Variants in TSPAN9 observed in about 807,000 individuals in gnomAD.
TSPAN9 encodes tetraspanin 9, also known as tetraspanin-9.
TSPAN9 carries 16 observed loss-of-function variants against 31.0 expected under a neutral mutation model. The observed-to-expected ratio is 0.52, with a 90% confidence interval of 0.35 to 0.78. The LOEUF is 0.78. TSPAN9 is among the 30% of genes least tolerant of loss of function. TSPAN9 has a pLI of 0.01. For synonymous variants in TSPAN9, 145 were observed against 121.6 expected (o/e 1.19, Z -1.27); for missense variants, 272 against 312.5 (o/e 0.87, Z 0.98).
chr12:3,161,557 T>C (rs2098345228), intron 2 of TSPAN9, among the ~76,000 whole-genome samples: 1 of 152,112 alleles, frequency 6.6e-6, no homozygotes, highest in African/African-American at 2.4e-5. Flanking sequence ...AGGAGGTAGG[T>C]GGAGCACCTA....
chr12:3,241,066 C>T (rs1238569505), intron 3 of TSPAN9, among the ~76,000 whole-genome samples: 1 of 152,180 alleles, frequency 6.6e-6, no homozygotes, highest in African/African-American at 2.4e-5. Context: ...AATCACTTTG[C>T]AGAGGGTTCC....
chr12:3,268,532 C>A (rs1862589048), intron 3 of TSPAN9, among the ~76,000 whole-genome samples: 1 of 130,670 alleles, frequency 7.7e-6, no homozygotes, highest in African/African-American at 2.9e-5. Context: ...CTGCAGCCTG[C>A]CCTCTCTGTG....
chr12:3,256,737 G>A (rs74994867), intron 3 of TSPAN9, among the ~76,000 whole-genome samples: 1,803 of 152,222 alleles, frequency 0.012, 41 homozygotes, highest in African/African-American at 0.04. Flanking sequence ...CCAAAGTCAC[G>A]ACTATTTCGC....
At chr12:3,184,626 C>T (rs1443830099) in intron 2 of TSPAN9, among the ~76,000 whole-genome samples, 1 of 152,116 alleles carries the variant, frequency 6.6e-6, no homozygotes, top group Non-Finnish European at 1.5e-5. Context: ...TTCCTCTTTC[C>T]CTGGTGCTGA....
rs2098315321 is a variant in TSPAN9 at position 3,107,569 on chromosome 12, G to A, written c.-18+23850G>A. Among the ~76,000 whole-genome samples, 1 of 152,142 alleles carries A rather than the reference G, an allele frequency of 6.6e-6. No individual in the cohort carries two copies. Among genetic ancestry groups the A allele is most frequent in the Non-Finnish European group, 1.5e-5 (1 of 68,032 alleles). ...GTGCCCTTCATCTGGGGCCATGCAT[G>A]CCTCTTGTTAGGTCTGGCTTTCCCT... is the stretch of plus-strand genomic sequence containing the variant. On this transcript the variant is annotated intron_variant, in intron 2 of 8. Transcript: ENST00000011898. The surrounding 1 kb of genome is among the most constrained non-coding windows in gnomAD (Gnocchi z 4.1).
At chr12:3,125,763 G>GTTAGGC (rs921742834) in intron 2 of TSPAN9, among the ~76,000 whole-genome samples, 9 of 152,048 alleles carry the variant, frequency 5.9e-5, no homozygotes, top group Non-Finnish European at 1.3e-4. Flanking sequence ...GGGCAGCCTG[G>GTTAGGC]TGTCACCACA....
intron 3 of TSPAN9, among the ~76,000 whole-genome samples, chr12:3,265,979 G>A (rs1014420771): frequency 1.3e-5 from 2 of 152,184 alleles, no homozygotes; most frequent in Non-Finnish European, 2.9e-5. Context: ...AGTTCTTGGT[G>A]TGTGATACGG....
At chr12:3,182,024 T>C (rs1031753011) in intron 2 of TSPAN9, among the ~76,000 whole-genome samples, 1 of 151,940 alleles carries the variant, frequency 6.6e-6, no homozygotes, top group Non-Finnish European at 1.5e-5. Flanking sequence ...GGAGGGGGCT[T>C]TGAGGTCTTT....
chr12:3,091,632 A>G (rs560792328), intron 2 of TSPAN9, among the ~76,000 whole-genome samples: 98 of 152,320 alleles, frequency 6.4e-4, no homozygotes, highest in Middle Eastern at 3.4e-3. Context: ...TTGCCTGTCA[A>G]CTGCTGGGTG....
intron 2 of TSPAN9, among the ~76,000 whole-genome samples, chr12:3,097,930 C>G (rs1591626756): frequency 6.6e-6 from 1 of 152,354 alleles, no homozygotes; most frequent in East Asian, 1.9e-4. Flanking sequence ...GACATGTGAG[C>G]ACCTCCTCCG....
intron 2 of TSPAN9, among the ~76,000 whole-genome samples, chr12:3,160,493 T>A (rs1342650093): frequency 2.0e-5 from 3 of 152,242 alleles, no homozygotes; most frequent in Non-Finnish European, 4.4e-5. Context: ...ACTCTATGTT[T>A]AACTTTTTGA....
In TSPAN9 at chr12:3,192,041, T is replaced by A. The variant is rs1032715464; in HGVS notation, c.-17-9136T>A. On this transcript the variant is annotated intron_variant, in intron 2 of 8. Transcript: ENST00000011898. The surrounding 1 kb of genome is among the most constrained non-coding windows in gnomAD (Gnocchi z 4.6). ...GAGCATCCAAGCAGAGGGAACAGCA[T>A]GGGCGGAGGCTCTGAGGAGGTCAGA... is the stretch of plus-strand genomic sequence containing the variant. Among the ~76,000 whole-genome samples the A allele has an allele frequency of 6.6e-6, 1 of 151,972 alleles. No individual in the cohort carries two copies. Among genetic ancestry groups the A allele is most frequent in the African/African-American group, 2.4e-5 (1 of 41,348 alleles).
intron 3 of TSPAN9, among the ~76,000 whole-genome samples, chr12:3,239,773 G>A (rs1048390780): frequency 6.6e-6 from 1 of 152,112 alleles, no homozygotes; most frequent in East Asian, 1.9e-4. Context: ...TGGAGCTTCC[G>A]ACAGGGTCCT....
chr12:3,084,918 G>A (rs944793421), intron 2 of TSPAN9, among the ~76,000 whole-genome samples: 31 of 152,194 alleles, frequency 2.0e-4, no homozygotes, highest in Non-Finnish European at 4.3e-4. Context: ...CCTGCTTGTG[G>A]CAGGAATGCC....
intron 2 of TSPAN9, among the ~76,000 whole-genome samples, chr12:3,088,304 A>G (rs896284594): frequency 6.6e-6 from 1 of 152,218 alleles, no homozygotes; most frequent in Non-Finnish European, 1.5e-5. Flanking sequence ...TTGAAGCCAG[A>G]GTTTGGATTT....
intron 3 of TSPAN9, among the ~76,000 whole-genome samples, chr12:3,225,363 C>A (rs10848832): frequency 0.13 from 20,059 of 152,086 alleles, 1,750 homozygotes; most frequent in East Asian, 0.29. Flanking sequence ...CACAGGACAG[C>A]CTGTCCTGTG....
rs190760280 is a variant in TSPAN9 at position 3,251,502 on chromosome 12, G to A, written c.64-26919G>A. 1.8e-3 allele frequency among the ~76,000 whole-genome samples: 266 copies of A among 147,290 alleles called. 1 individual carries two copies. The highest frequency in any genetic ancestry group is 1.5e-3 in the Non-Finnish European group (103 of 67,980). On this transcript the variant is annotated intron_variant, in intron 3 of 8. Transcript: ENST00000011898. ...GATTTCTGATTATAAAACTAGTATA[G>A]TCACTGGAGAGTACTGGAAATAATA...
intron 2 of TSPAN9, among the ~76,000 whole-genome samples, chr12:3,181,209 T>C (rs1367796285): frequency 6.6e-6 from 1 of 151,958 alleles, no homozygotes; most frequent in Non-Finnish European, 1.5e-5. Flanking sequence ...GCCAGAATCA[T>C]GATGGGGATG....
chr12:3,256,900 T>C (rs1862358225), intron 3 of TSPAN9, among the ~76,000 whole-genome samples: 1 of 152,286 alleles, frequency 6.6e-6, no homozygotes, highest in East Asian at 1.9e-4. Flanking sequence ...GGGATAGTCC[T>C]GTAGTAAATG....
Sources: gnomAD v4.1 joint callset for allele counts (sites outside exome capture counted in the v4.1 genomes callset) on GRCh38, gnomAD v4.1.1 for gene constraint, Gnocchi (gnomAD v3.1) non-coding constraint, MANE v1.5 for transcripts, NCBI Gene and HGNC (gene_info 2026-07-23, HGNC 2026-07-21) for gene names.